The following USP37 variants were observed in gnomAD, a reference collection of about 807,000 sequenced individuals.
The protein encoded by USP37 is ubiquitin specific peptidase 37, also known as ubiquitin carboxyl-terminal hydrolase 37.
USP37 carries 27 observed loss-of-function variants against 124.0 expected under a neutral mutation model. That is an observed-to-expected ratio of 0.22 (90% CI 0.16 to 0.30). The LOEUF (loss-of-function observed/expected upper bound fraction) is 0.30, where lower values mean the gene tolerates loss of function less well. Ranked by LOEUF, USP37 falls within the 10% of genes least tolerant of loss-of-function variation. USP37 has a pLI of 1.00. For missense variants in USP37, 889 were observed against 1,140.4 expected, an observed-to-expected ratio of 0.78 and a Z score of 3.17; for synonymous variants, 365 against 388.0, an observed-to-expected ratio of 0.94 and a Z score of 0.70.
intron 20 of USP37, 83 bp downstream of exon 20, chr2:218,474,547 G>A (rs1040606948): frequency 1.6e-5 from 24 of 1,547,324 alleles, no homozygotes; most frequent in Admixed American, 5.8e-5. Flanking sequence ...TTTATCTCCC[G>A]TTATTTGGAG....
In USP37 at chr2:218,486,485, T is replaced by A. The variant is rs1287450798; in HGVS notation, c.1591-742A>T. 3.9e-5 allele frequency: 6 copies of A among 152,374 alleles called. 1 individual carries two copies. In the South Asian group the frequency reaches 1.2e-3, roughly 32 times the overall value. 9.4% of individuals were successfully genotyped at this position (152,374 alleles called of 1,614,324 possible). ...GGCAACTGGGTGGGAGGGAGGGGCG[T>A]GATCTCAGCTCACTGCAACCTCCAC... On this transcript the variant is annotated intron_variant, in intron 15 of 25. Transcript: ENST00000258399.
intron 10 of USP37, among the ~76,000 whole-genome samples, chr2:218,524,672 C>T (rs1198714162): frequency 2.6e-5 from 4 of 152,122 alleles, no homozygotes; most frequent in East Asian, 1.9e-4. Context: ...TGCAGTGGCG[C>T]GTTTTCGGCT....
At chr2:218,493,018 A>AT (rs199723144) in intron 14 of USP37, among the ~76,000 whole-genome samples, 6,005 of 151,638 alleles carry the variant, frequency 0.04, 391 homozygotes, top group African/African-American at 0.14. Flanking sequence ...AAAAAAAAAA[A>AT]ATTTTTTTCC....
At chr2:218,510,276 T>A in intron 10 of USP37, 136 bp from the exon 11 acceptor site, 2 of 920,714 alleles carry the variant, frequency 2.2e-6, no homozygotes, top group African/African-American at 1.7e-5. Flanking sequence ...AATGATCACT[T>A]AAGGGAAAAC....
At chr2:218,457,874 T>C (rs1689775637) in intron 23 of USP37, among the ~76,000 whole-genome samples, 2 of 151,632 alleles carry the variant, frequency 1.3e-5, no homozygotes, top group Admixed American at 6.6e-5. Flanking sequence ...AGTGAAACCC[T>C]GTCTCTACTA....
At chr2:218,532,504 A>G (rs1185155131) in intron 9 of USP37, among the ~76,000 whole-genome samples, 1 of 151,052 alleles carries the variant, frequency 6.6e-6, no homozygotes, top group Non-Finnish European at 1.5e-5. Context: ...AAATTGCCAC[A>G]GCTGCCTTAG....
intron 8 of USP37, among the ~76,000 whole-genome samples, chr2:218,541,355 G>A (rs982061083): frequency 2.6e-5 from 4 of 152,240 alleles, no homozygotes; most frequent in Admixed American, 6.5e-5. Context: ...TAAGGAAGAC[G>A]GGTTGCTGCT....
At chr2:218,516,519 A>G (rs1489492878) in intron 10 of USP37, among the ~76,000 whole-genome samples, 1 of 151,796 alleles carries the variant, frequency 6.6e-6, no homozygotes, top group Non-Finnish European at 1.5e-5. Flanking sequence ...GGAGGGGAAC[A>G]TCACACATGG....
At chr2:218,462,497 C>T (rs534058773) in intron 22 of USP37, among the ~76,000 whole-genome samples, 23 of 152,276 alleles carry the variant, frequency 1.5e-4, no homozygotes, top group African/African-American at 5.5e-4. Flanking sequence ...ACCTGGTCCA[C>T]ATATTAGTTC....
chr2:218,533,313 CAATT>C (rs1406124552), intron 9 of USP37, among the ~76,000 whole-genome samples: 2 of 152,006 alleles, frequency 1.3e-5, no homozygotes, highest in Non-Finnish European at 2.9e-5. Flanking sequence ...TAAACAGTAT[CAATT>C]GACTCTTTAT....
intron 18 of USP37, 50 bp from the exon 19 acceptor site, chr2:218,477,031 ATTCTT>A: frequency 6.9e-7 from 1 of 1,440,686 alleles, no homozygotes; most frequent in Non-Finnish European, 9.2e-7. Flanking sequence ...TGTCTTTGTT[ATTCTT>A]TTATTGTAAA....
chr2:218,494,039 C>T (rs1180508014), intron 14 of USP37, among the ~76,000 whole-genome samples: 1 of 152,198 alleles, frequency 6.6e-6, no homozygotes. Context: ...TGCTGTTGGA[C>T]TCTCCAGCTT....
chr2:218,543,128 C>T (rs1692079013), intron 8 of USP37, among the ~76,000 whole-genome samples: 1 of 152,150 alleles, frequency 6.6e-6, no homozygotes, highest in Non-Finnish European at 1.5e-5. Context: ...TGTGTTAGTG[C>T]TTCTTATTGC....
At chr2:218,542,453 A>G (rs577610410) in intron 8 of USP37, among the ~76,000 whole-genome samples, 23 of 152,236 alleles carry the variant, frequency 1.5e-4, no homozygotes, top group African/African-American at 4.8e-4. Flanking sequence ...GAATGCTAAT[A>G]AAGTAACCCT....
At chr2:218,553,764 G>T in intron 4 of USP37, 40 bp from the exon 5 acceptor site, 2 of 1,562,642 alleles carry the variant, frequency 1.3e-6, no homozygotes, top group South Asian at 2.3e-5. Context: ...AAAAATGTAT[G>T]ACAACTAAGT....
chr2:218,481,678 CTTTTCTT>C (rs1395232502), intron 17 of USP37, among the ~76,000 whole-genome samples: 7 of 144,404 alleles, frequency 4.8e-5, no homozygotes, highest in African/African-American at 1.6e-4. Flanking sequence ...CTTTTCTTTT[CTTTTCTT>C]TTTTTTTTTT....
intron 11 of USP37, among the ~76,000 whole-genome samples, chr2:218,503,587 T>C (rs1003915889): frequency 4.6e-5 from 7 of 152,140 alleles, no homozygotes; most frequent in Admixed American, 3.3e-4. Flanking sequence ...TGGTAGCACA[T>C]GCCTATAATC....
chr2:218,555,683 ATGGTAACGAC>A (rs1692929408), intron 4 of USP37, among the ~76,000 whole-genome samples: 1 of 152,138 alleles, frequency 6.6e-6, no homozygotes, highest in African/African-American at 2.4e-5. Context: ...AACTATTCAT[ATGGTAACGAC>A]ACACAACTCT....
Position 218,568,230 on chromosome 2 carries a change from G to C in USP37, c.-282C>G, listed in dbSNP as rs500317. On this transcript the variant is annotated 5_prime_UTR_variant, in exon 1 of 26. Transcript: ENST00000258399. ...CAGACCCGCGGAAAGCACGGAGCCC[G>C]CGAGGAGTGGGAGGAGCCGAGGGTA... 92,288 of 152,256 alleles carry C rather than the reference G, an allele frequency of 0.61. 28,174 individuals carry two copies. Among genetic ancestry groups the C allele is most frequent in the East Asian group, 0.78 (4,046 of 5,188 alleles). 9.4% of individuals were successfully genotyped at this position (152,256 alleles called of 1,614,324 possible). A position where few individuals can be genotyped will look rare whatever the true frequency, so the allele number is the denominator to read the frequency against.
Sources: gnomAD v4.1 joint callset for allele counts (sites outside exome capture counted in the v4.1 genomes callset) on GRCh38, gnomAD v4.1.1 for gene constraint, MANE v1.5 for transcripts, NCBI Gene and HGNC (gene_info 2026-07-23, HGNC 2026-07-21) for gene names.